The following NRXN1 variants were observed in gnomAD, a reference collection of about 807,000 sequenced individuals.
NRXN1 encodes neurexin 1.
NRXN1 carries 39 observed loss-of-function variants against 150.9 expected under a neutral mutation model. That is an observed-to-expected ratio of 0.26 (90% CI 0.20 to 0.34). The LOEUF is 0.34. Among genes scored for constraint, NRXN1 ranks in the 10% least tolerant of loss-of-function variants. The probability of loss-of-function intolerance (pLI) is 1.00; values close to 1 mark genes in which losing one functional copy is unlikely to be tolerated. For synonymous variants in NRXN1, 924 were observed against 757.0 expected (o/e 1.22, Z -3.62); for missense variants, 1,815 against 1,949.9 (o/e 0.93, Z 1.30).
At chr2:50,123,411 G>T (rs151308482) in intron 18 of NRXN1, among the ~76,000 whole-genome samples, 2 of 152,170 alleles carry the variant, frequency 1.3e-5, no homozygotes, top group Admixed American at 6.5e-5. Flanking sequence ...ATGGTATTTG[G>T]TTGGAGCAAA....
intron 17 of NRXN1, among the ~76,000 whole-genome samples, chr2:50,298,322 C>G (rs948395400): frequency 1.3e-4 from 20 of 152,170 alleles, no homozygotes; most frequent in African/African-American, 4.8e-4. Flanking sequence ...TAGACTTTTA[C>G]TCTCTTTTAG....
intron 17 of NRXN1, among the ~76,000 whole-genome samples, chr2:50,302,382 C>G (rs2074236385): frequency 6.6e-6 from 1 of 152,204 alleles, no homozygotes; most frequent in Non-Finnish European, 1.5e-5. Flanking sequence ...ATAATTTAAT[C>G]AATTAATACA....
intron 17 of NRXN1, among the ~76,000 whole-genome samples, chr2:50,340,553 G>T (rs1442910817): frequency 6.6e-6 from 1 of 152,062 alleles, no homozygotes; most frequent in Admixed American, 6.6e-5. Flanking sequence ...TGGCTTAAGG[G>T]ACCTGAATAT....
At chr2:50,534,859 TA>T (rs1162143019) in intron 10 of NRXN1, among the ~76,000 whole-genome samples, 1 of 152,148 alleles carries the variant, frequency 6.6e-6, no homozygotes. Context: ...GCACCTCCTT[TA>T]AGAAATACAG....
chr2:50,598,906 C>T (rs530100857), intron 8 of NRXN1, among the ~76,000 whole-genome samples: 11 of 151,578 alleles, frequency 7.3e-5, no homozygotes, highest in East Asian at 3.9e-4. Flanking sequence ...TACAAGTGCC[C>T]GCCACCACAC....
intron 17 of NRXN1, among the ~76,000 whole-genome samples, chr2:50,238,302 T>C (rs1001878862): frequency 6.6e-6 from 1 of 152,014 alleles, no homozygotes; most frequent in Non-Finnish European, 1.5e-5. Flanking sequence ...GACATTGTTG[T>C]TTTCCTGCCT....
intron 2 of NRXN1, among the ~76,000 whole-genome samples, chr2:50,930,707 C>T (rs1687611657): frequency 6.6e-6 from 1 of 152,118 alleles, no homozygotes; most frequent in South Asian, 2.1e-4. Flanking sequence ...TGACTGTAAA[C>T]ATGGTGACAA....
chr2:50,804,886 A>G (rs1344584235), intron 5 of NRXN1, among the ~76,000 whole-genome samples: 1 of 152,176 alleles, frequency 6.6e-6, no homozygotes. Flanking sequence ...TTATCCAATG[A>G]CTATGAATTT....
chr2:50,955,088 T>G (rs1178167246), intron 2 of NRXN1, among the ~76,000 whole-genome samples: 1 of 152,008 alleles, frequency 6.6e-6, no homozygotes, highest in African/African-American at 2.4e-5. Flanking sequence ...TCTCTATCTC[T>G]CACACACACA....
At chr2:50,189,374 G>C (rs979785254) in intron 18 of NRXN1, among the ~76,000 whole-genome samples, 1 of 152,058 alleles carries the variant, frequency 6.6e-6, no homozygotes, top group South Asian at 2.1e-4. Context: ...TGGGGGTTGG[G>C]GGGTAGGGGA....
At chr2:50,769,453 G>A (rs1702752281) in intron 5 of NRXN1, among the ~76,000 whole-genome samples, 1 of 152,024 alleles carries the variant, frequency 6.6e-6, no homozygotes, top group Admixed American at 6.6e-5. Context: ...TGTAAATAGA[G>A]GATAAACTCA....
At chr2:50,003,644 C>T (rs966225712) in intron 21 of NRXN1, among the ~76,000 whole-genome samples, 18 of 152,124 alleles carry the variant, frequency 1.2e-4, no homozygotes, top group African/African-American at 4.1e-4. Flanking sequence ...TTTTGCTTCA[C>T]ATGTTTAACT....
intron 17 of NRXN1, among the ~76,000 whole-genome samples, chr2:50,276,658 T>C (rs1401706253): frequency 3.3e-5 from 5 of 152,178 alleles, no homozygotes; most frequent in Admixed American, 6.6e-5. Context: ...GTTATACTTA[T>C]TGTCAAAGGC....
intron 18 of NRXN1, among the ~76,000 whole-genome samples, chr2:50,152,918 C>G (rs1473173248): frequency 6.6e-6 from 1 of 151,590 alleles, no homozygotes; most frequent in Admixed American, 6.6e-5. Context: ...CTGTCCCTTT[C>G]TCCTTCTCTT....
chr2:50,991,195 T>C lies in NRXN1; in HGVS notation c.772+36307A>G, dbSNP rs191246937. Among the ~76,000 whole-genome samples the C allele has an allele frequency of 7.2e-4, 109 of 152,116 alleles. 1 individual carries two copies. Among genetic ancestry groups the C allele is most frequent in the African/African-American group, 2.5e-3 (105 of 41,536 alleles). On this transcript the variant is annotated intron_variant, in intron 2 of 22. Transcript: ENST00000401669. ...TGTGTTTCCTTTGTCTATTCTGAAA[T>C]GGAGAAAGCAGTTCTTAGCTCACAC... is the stretch of plus-strand genomic sequence containing the variant.
intron 19 of NRXN1, among the ~76,000 whole-genome samples, chr2:50,090,889 C>G (rs1699467611): frequency 6.6e-6 from 1 of 152,102 alleles, no homozygotes; most frequent in African/African-American, 2.4e-5. Context: ...TGTGTTTCAG[C>G]TGTGCACTAC....
intron 17 of NRXN1, among the ~76,000 whole-genome samples, chr2:50,344,514 C>A (rs180775974): frequency 2.0e-5 from 3 of 152,322 alleles, no homozygotes; most frequent in African/African-American, 4.8e-5. Context: ...ACAGAAAGTT[C>A]TTTGACCCAA....
intron 17 of NRXN1, among the ~76,000 whole-genome samples, chr2:50,349,017 C>G (rs2152999480): frequency 6.6e-6 from 1 of 152,194 alleles, no homozygotes; most frequent in Middle Eastern, 3.4e-3. Context: ...ACCCAAGTGG[C>G]CATTTAGACT....
chr2:50,735,717 C>T (rs1009262882), intron 5 of NRXN1, among the ~76,000 whole-genome samples: 1 of 152,140 alleles, frequency 6.6e-6, no homozygotes, highest in Admixed American at 6.5e-5. Context: ...CTCACAAACA[C>T]ACAACACTCT....
Sources: gnomAD v4.1 joint callset for allele counts (sites outside exome capture counted in the v4.1 genomes callset) on GRCh38, gnomAD v4.1.1 for gene constraint, MANE v1.5 for transcripts, NCBI Gene and HGNC (gene_info 2026-07-23, HGNC 2026-07-21) for gene names.